ATP2B2: variants seen among roughly 807,000 people sequenced by gnomAD.
ATP2B2 encodes plasma membrane calcium-transporting ATPase 2.
ATP2B2 carries 15 observed loss-of-function variants against 120.0 expected under a neutral mutation model. The ratio of observed to expected loss-of-function variants is 0.12; its 90% confidence interval spans 0.08 to 0.19. The LOEUF (loss-of-function observed/expected upper bound fraction) is 0.19. ATP2B2 is among the 10% of genes least tolerant of loss of function. The pLI is 1.00. For missense variants in ATP2B2, 1,045 were observed against 1,719.8 expected (o/e 0.61, Z 6.94); for synonymous variants, 694 against 700.3 (o/e 0.99, Z 0.14).
intron 3 of ATP2B2, among the ~76,000 whole-genome samples, chr3:10,406,602 C>T (rs1575139578): frequency 2.0e-5 from 3 of 152,184 alleles, no homozygotes; most frequent in Admixed American, 6.5e-5. Flanking sequence ...AGGTATGTAG[C>T]GGGCTGTGCC....
chr3:10,401,208 A>G, intron 4 of ATP2B2, 130 bp from the exon 5 acceptor site: 1 of 1,246,668 alleles, frequency 8.0e-7, no homozygotes, highest in Non-Finnish European at 1.1e-6. Flanking sequence ...CCCAGGGTGT[A>G]GGAACCAAGA....
At chr3:10,610,560 A>G (rs1416656435) in intron 2 of ATP2B2, among the ~76,000 whole-genome samples, 4 of 152,154 alleles carry the variant, frequency 2.6e-5, no homozygotes, top group African/African-American at 9.7e-5. Flanking sequence ...GGGGTTATGG[A>G]CTTCCGGGTA....
chr3:10,627,445 A>G (rs1172986175), intron 1 of ATP2B2, among the ~76,000 whole-genome samples: 1 of 152,196 alleles, frequency 6.6e-6, no homozygotes, highest in Non-Finnish European at 1.5e-5. Context: ...ATGGGAGGAC[A>G]GGGCAGGGGC....
Position 10,631,395 on chromosome 3 carries a change from C to G in ATP2B2, c.-459-11434G>C, listed in dbSNP as rs527450408. On this transcript the variant is annotated intron_variant, in intron 1 of 21. Transcript: ENST00000646379. ...TTTCCTTTAGGATAAACATTATTAG[C>G]CCATTTTACAGATGAGGAATCCTGA... Among the ~76,000 whole-genome samples the G allele has an allele frequency of 3.3e-5, 5 of 152,276 alleles. No homozygotes were observed. The East Asian group carries it at 9.6e-4, about 29-fold the overall frequency.
At chr3:10,705,667 G>A (rs563409055) in intron 1 of ATP2B2, among the ~76,000 whole-genome samples, 1 of 152,290 alleles carries the variant, frequency 6.6e-6, no homozygotes, top group South Asian at 2.1e-4. Context: ...GCATGTAGAT[G>A]GTAACACCGG....
intron 1 of ATP2B2, among the ~76,000 whole-genome samples, chr3:10,642,705 C>T (rs535919844): frequency 1.1e-3 from 168 of 149,922 alleles, no homozygotes; most frequent in African/African-American, 4.0e-3. Context: ...AAAAAAGGTA[C>T]GGCATGAAAC....
At chr3:10,504,569 C>G (rs2066532788) in intron 1 of ATP2B2, among the ~76,000 whole-genome samples, 2 of 151,560 alleles carry the variant, frequency 1.3e-5, no homozygotes, top group Admixed American at 6.6e-5. Flanking sequence ...AGCACCCCCC[C>G]AACCCCCAAC....
At chr3:10,515,643 T>C (rs1269550749) in intron 3 of ATP2B2, among the ~76,000 whole-genome samples, 2 of 152,118 alleles carry the variant, frequency 1.3e-5, no homozygotes, top group Non-Finnish European at 2.9e-5. Flanking sequence ...GGTATATGTC[T>C]GGGGCACAGG....
intron 1 of ATP2B2, among the ~76,000 whole-genome samples, chr3:10,683,762 A>ATGTATGTG (rs1451097909): frequency 1.1e-4 from 1 of 8,872 alleles, no homozygotes. Context: ...GTGTGTGTGT[A>ATGTATGTG]TATATATATA....
In ATP2B2 at chr3:10,571,463, C is replaced by T. The variant is rs555922109; in HGVS notation, c.-414-37330G>A. ...GAGGTAGGTTGCCTGGAGGAGGGGC[C>T]GCTGAACTGGCTGCAGAAGCCTGGG... On this transcript the variant is annotated intron_variant, in intron 2 of 21. Transcript: ENST00000646379. 1.8e-4 allele frequency among the ~76,000 whole-genome samples: 28 copies of T among 152,282 alleles called. No individual in the cohort carries two copies. In the East Asian group the frequency reaches 4.3e-3, roughly 23 times the overall value.
intron 2 of ATP2B2, among the ~76,000 whole-genome samples, chr3:10,614,643 C>T (rs2069334591): frequency 6.6e-6 from 1 of 152,182 alleles, no homozygotes. Context: ...CTCCCTGTGC[C>T]TCAGTTTTGT....
At chr3:10,352,777 A>G (rs2060615051) in intron 14 of ATP2B2, among the ~76,000 whole-genome samples, 1 of 152,234 alleles carries the variant, frequency 6.6e-6, no homozygotes, top group Non-Finnish European at 1.5e-5. Flanking sequence ...TGATGGCTGT[A>G]AACTGGGCTG....
intron 2 of ATP2B2, among the ~76,000 whole-genome samples, chr3:10,540,316 C>T (rs985236462): frequency 2.0e-5 from 3 of 152,162 alleles, no homozygotes; most frequent in Admixed American, 6.5e-5. Flanking sequence ...TGTGGTGATT[C>T]CTCAAGAATC....
chr3:10,431,914 C>T (rs533091801), intron 2 of ATP2B2, among the ~76,000 whole-genome samples: 1 of 152,266 alleles, frequency 6.6e-6, no homozygotes, highest in East Asian at 1.9e-4. Flanking sequence ...TCTTTTAAAG[C>T]TATTTATAGC....
Position 10,328,310 on chromosome 3 carries a change from CA to C in ATP2B2, c.*503del, listed in dbSNP as rs1415132923. The C allele has an allele frequency of 6.3e-6, 1 of 159,082 alleles. No homozygotes were observed. Among genetic ancestry groups the C allele is most frequent in the East Asian group, 1.8e-4 (1 of 5,420 alleles). 9.9% of individuals were successfully genotyped at this position (159,082 alleles called of 1,614,324 possible). The stretch of plus-strand genomic sequence containing the variant: ...CAAAAAGTTATTAAATTAATCTATA[CA>C]ACTGAGACCATGCTGTGCAAGCATT... On this transcript the variant is annotated 3_prime_UTR_variant, in exon 23 of 23. Coordinates refer to ENST00000360273, the MANE Select transcript of ATP2B2 (RefSeq NM_001001331.4).
chr3:10,537,102 G>A (rs1294611529), intron 2 of ATP2B2, among the ~76,000 whole-genome samples: 2 of 152,162 alleles, frequency 1.3e-5, no homozygotes, highest in Non-Finnish European at 2.9e-5. Context: ...ATTGATCTAT[G>A]TGTCATATCT....
intron 1 of ATP2B2, among the ~76,000 whole-genome samples, chr3:10,661,149 T>C (rs1442911992): frequency 6.6e-6 from 1 of 152,142 alleles, no homozygotes; most frequent in Non-Finnish European, 1.5e-5. Flanking sequence ...TCATACTGAA[T>C]GGGCAAAAAC....
At chr3:10,403,561 G>A (rs114067991) in intron 3 of ATP2B2, among the ~76,000 whole-genome samples, 2 of 152,202 alleles carry the variant, frequency 1.3e-5, no homozygotes, top group Non-Finnish European at 2.9e-5. Context: ...AGGAGGTGAG[G>A]TGCCACAGCC....
chr3:10,456,630 T>G (rs1468348287), intron 1 of ATP2B2, among the ~76,000 whole-genome samples: 1 of 152,262 alleles, frequency 6.6e-6, no homozygotes, highest in Non-Finnish European at 1.5e-5. Context: ...CAGACCAGCA[T>G]GTACCCCATA....
Sources: allele counts gnomAD v4.1 joint callset (sites outside exome capture counted in the v4.1 genomes callset), GRCh38; gene constraint gnomAD v4.1.1; transcripts MANE v1.5; gene names NCBI Gene and HGNC (gene_info 2026-07-23, HGNC 2026-07-21).